PRRX2: variants seen among roughly 807,000 people sequenced by gnomAD.
PRRX2 encodes paired mesoderm homeobox protein 2.
Under a neutral mutation model 18.0 loss-of-function variants are expected in PRRX2, and 11 were observed. That is an observed-to-expected ratio of 0.61 (90% CI 0.39 to 1.01). The LOEUF (loss-of-function observed/expected upper bound fraction) is 1.01. Among genes scored for constraint, PRRX2 ranks in the 50% least tolerant of loss-of-function variants. The probability of loss-of-function intolerance (pLI) is 0.01; values close to 1 mark genes in which losing one functional copy is unlikely to be tolerated. For missense variants in PRRX2, 387 were observed against 351.0 expected (o/e 1.10, Z -0.82); for synonymous variants, 177 against 154.8 (o/e 1.14, Z -1.06).
chr9:129,691,032 T>C (rs1462795241), intron 1 of PRRX2, among the ~76,000 whole-genome samples: 1 of 151,726 alleles, frequency 6.6e-6, no homozygotes, highest in Non-Finnish European at 1.5e-5. Context: ...CAGATATTAT[T>C]AAAAATTAAG....
intron 1 of PRRX2, among the ~76,000 whole-genome samples, chr9:129,689,730 C>T (rs988545858): frequency 6.8e-6 from 1 of 147,538 alleles, no homozygotes; most frequent in African/African-American, 2.5e-5. Context: ...GGGGTGGGGG[C>T]GGGGGCTTGG....
intron 1 of PRRX2, among the ~76,000 whole-genome samples, chr9:129,684,312 C>G (rs1161861002): frequency 6.6e-6 from 1 of 152,034 alleles, no homozygotes; most frequent in African/African-American, 2.4e-5. Context: ...GGTGGGACTT[C>G]AGGCACTGCT....
chr9:129,705,287 A>G (rs1325264469), intron 1 of PRRX2, among the ~76,000 whole-genome samples: 1 of 152,070 alleles, frequency 6.6e-6, no homozygotes, highest in African/African-American at 2.4e-5. Context: ...GGGCTGAGGG[A>G]TATGAGGGGA....
At chr9:129,698,419 C>G (rs894881977) in intron 1 of PRRX2, among the ~76,000 whole-genome samples, 11 of 152,204 alleles carry the variant, frequency 7.2e-5, no homozygotes, top group African/African-American at 2.4e-4. Flanking sequence ...CTCAGCAGTT[C>G]CCCGAGTTCC....
intron 1 of PRRX2, among the ~76,000 whole-genome samples, chr9:129,698,260 G>GGC (rs1303550490): frequency 4.7e-4 from 19 of 40,404 alleles, no homozygotes; most frequent in Non-Finnish European, 1.9e-4. Flanking sequence ...GATGGGGCGG[G>GGC]GGGGGGGGGG....
At chr9:129,706,118 A>G (rs1046893847) in intron 1 of PRRX2, among the ~76,000 whole-genome samples, 3 of 152,074 alleles carry the variant, frequency 2.0e-5, no homozygotes, top group Non-Finnish European at 4.4e-5. Flanking sequence ...TTTATTTCGT[A>G]TATTTCACAT....
rs183405998 is a variant in PRRX2, at chr9:129,704,263, G to A, written c.260-14968G>A. On this transcript the variant is annotated intron_variant, in intron 1 of 3. Transcript: ENST00000372469. ...AATAGTGGGGTTAGCAGTCATTTCTGGAGCACCACGTTAAGCATGTCCTTG... is the reference window on the plus strand; with the variant it reads ...AATAGTGGGGTTAGCAGTCATTTCTAGAGCACCACGTTAAGCATGTCCTTG... Among the ~76,000 whole-genome samples, 262 of 150,904 alleles carry A rather than the reference G, an allele frequency of 1.7e-3. 2 individuals are homozygous for A. The highest frequency in any genetic ancestry group is 3.4e-3 in the Middle Eastern group (1 of 294).
intron 1 of PRRX2, among the ~76,000 whole-genome samples, chr9:129,668,794 A>G (rs1459888263): frequency 3.3e-5 from 5 of 151,094 alleles, no homozygotes; most frequent in Admixed American, 2.0e-4. Flanking sequence ...AAAAAAAAAA[A>G]AAAAGAAAGA....
At chr9:129,703,270 A>G (rs558290947) in intron 1 of PRRX2, among the ~76,000 whole-genome samples, 12 of 152,176 alleles carry the variant, frequency 7.9e-5, no homozygotes, top group Non-Finnish European at 1.3e-4. Context: ...GGGGTGGCCA[A>G]TTAAGCCGCA....
chr9:129,719,553 G>C (rs1048041026), intron 2 of PRRX2, 135 bp downstream of exon 2: 2 of 1,166,882 alleles, frequency 1.7e-6, no homozygotes, highest in Non-Finnish European at 1.1e-6. Flanking sequence ...CGGGGGTTCA[G>C]ATCCCAGCCC....
In PRRX2 at chr9:129,689,837, C is replaced by T. The variant is rs574580416; in HGVS notation, c.259+23711C>T. ...GCACAATCTTGGCTCACTGCAACCT[C>T]TGTCTCCCAGGTTCAAGCGATTCTC... On this transcript the variant is annotated intron_variant, in intron 1 of 3. Transcript: ENST00000372469. Among the ~76,000 whole-genome samples the T allele has an allele frequency of 2.7e-4, 41 of 152,090 alleles. 1 individual carries two copies. The highest frequency in any genetic ancestry group is 8.0e-4 in the African/African-American group (33 of 41,352).
Position 129,666,047 on chromosome 9 carries a change from G to A in PRRX2, c.180G>A (p.Gly60=). 1 of 1,050,300 alleles carries A rather than the reference G, an allele frequency of 9.5e-7. No homozygotes were observed. The highest frequency in any genetic ancestry group is 1.1e-6 in the Non-Finnish European group (1 of 876,038). The allele number at this position is 1,050,300 out of a possible 1,614,324, so 65.1% of individuals were successfully genotyped here. The change falls in exon 1 of 4, where the codon GGG becomes GGA. Residue 60 remains glycine (G), a synonymous_variant. Coordinates refer to ENST00000372469, the MANE Select transcript of PRRX2 (RefSeq NM_016307.4). ...CCGGGCGGCTGGCGGCGCGCCCCGG[G>A]GCCAGGGCCGAGGCGCGGGAGGGCG... is the stretch of plus-strand genomic sequence containing the variant. ...AAAGRLAARP[G]ARAEAREGAA...
chr9:129,680,668 G>C (rs1232851490), intron 1 of PRRX2, among the ~76,000 whole-genome samples: 1 of 152,024 alleles, frequency 6.6e-6, no homozygotes, highest in Non-Finnish European at 1.5e-5. Flanking sequence ...CTTTCCAAAA[G>C]GGAGATAAGT....
In PRRX2 at chr9:129,699,220, C is replaced by T. The variant is rs796411271; in HGVS notation, c.260-20011C>T. Among the ~76,000 whole-genome samples the T allele has an allele frequency of 3.7e-4, 57 of 152,290 alleles. 1 individual carries two copies. Among genetic ancestry groups the T allele is most frequent in the African/African-American group, 8.7e-4 (36 of 41,544 alleles). On this transcript the variant is annotated intron_variant, in intron 1 of 3. Transcript: ENST00000372469. ...GGCAGATCACTTGAGGTCAGGAGTT[C>T]GAGACCAGCCTGGCCAACATGGTGA...
At chr9:129,712,055 C>T (rs1259466972) in intron 1 of PRRX2, among the ~76,000 whole-genome samples, 1 of 152,182 alleles carries the variant, frequency 6.6e-6, no homozygotes, top group Non-Finnish European at 1.5e-5. Context: ...ACCTCCACTT[C>T]TTGCCTAAGA....
intron 1 of PRRX2, among the ~76,000 whole-genome samples, chr9:129,674,742 C>T (rs1444978971): frequency 6.6e-6 from 1 of 152,182 alleles, no homozygotes; most frequent in Non-Finnish European, 1.5e-5. Flanking sequence ...ACATGGGGTT[C>T]CTGCCTCGCC....
At chr9:129,721,549 G>A (rs1324037679) in intron 3 of PRRX2, among the ~76,000 whole-genome samples, 1 of 151,978 alleles carries the variant, frequency 6.6e-6, no homozygotes, top group African/African-American at 2.4e-5. Context: ...ATCGTTACAG[G>A]GGGCAGGAAA....
At chr9:129,677,954 CTTTCTTTTTTTT>C (rs1325146949) in intron 1 of PRRX2, among the ~76,000 whole-genome samples, 1 of 125,742 alleles carries the variant, frequency 8.0e-6, no homozygotes, top group Non-Finnish European at 1.7e-5. Context: ...TTCTTTCTTT[CTTTCTTTTTTTT>C]TTTTTTTTTT....
At chr9:129,686,195 C>A (rs1176990382) in intron 1 of PRRX2, among the ~76,000 whole-genome samples, 1 of 152,128 alleles carries the variant, frequency 6.6e-6, no homozygotes, top group African/African-American at 2.4e-5. Context: ...GAACTAGACC[C>A]TGGGCTGGCA....
Sources: gnomAD v4.1 joint callset for allele counts (sites outside exome capture counted in the v4.1 genomes callset) on GRCh38, gnomAD v4.1.1 for gene constraint, MANE v1.5 for transcripts, NCBI Gene and HGNC (gene_info 2026-07-23, HGNC 2026-07-21) for gene names.